AKAP6: variants seen among roughly 807,000 people sequenced by gnomAD.
The protein encoded by AKAP6 is A-kinase anchoring protein 6.
In AKAP6, 58 loss-of-function variants were observed where a neutral mutation model predicts 188.5. The observed-to-expected ratio is 0.31, with a 90% CI of 0.25 to 0.38. The LOEUF (loss-of-function observed/expected upper bound fraction) is 0.38, where lower values mean the gene tolerates loss of function less well. Among genes scored for constraint, AKAP6 ranks in the 10% least tolerant of loss-of-function variants. The pLI is 1.00. For synonymous variants in AKAP6, 989 were observed against 998.6 expected (o/e 0.99, Z 0.18); for missense variants, 2,710 against 2,740.0 (o/e 0.99, Z 0.24).
chr14:32,728,366 CTAT>C (rs2030990201), intron 9 of AKAP6, among the ~76,000 whole-genome samples: 2 of 137,780 alleles, frequency 1.5e-5, no homozygotes, highest in Admixed American at 1.5e-4. Context: ...ATCTATCTAT[CTAT>C]CTATCTATCT....
At position 32,612,320 on chromosome 14, in the gene AKAP6, T is replaced by C. The variant is rs902728184; in HGVS notation, c.2730+11528T>C. Among the ~76,000 whole-genome samples, 2 of 152,204 alleles carry C rather than the reference T, an allele frequency of 1.3e-5. 1 individual carries two copies. Among genetic ancestry groups the C allele is most frequent in the Admixed American group, 1.3e-4 (2 of 15,270 alleles). On this transcript the variant is annotated intron_variant, in intron 7 of 13. Coordinates refer to ENST00000280979, the MANE Select transcript of AKAP6 (RefSeq NM_004274.5). Reference sequence around the variant, plus strand: ...AACTACCTCCTAAGCTTTGTTTTACTCACTTTACACGTTATTTCAGCTTTA... The same window carrying C: ...AACTACCTCCTAAGCTTTGTTTTACCCACTTTACACGTTATTTCAGCTTTA...
chr14:32,626,304 T>C (rs922473042), intron 7 of AKAP6, among the ~76,000 whole-genome samples: 2 of 152,136 alleles, frequency 1.3e-5, no homozygotes, highest in East Asian at 1.9e-4. Flanking sequence ...CTTTCATATG[T>C]ACAGTGCTAG....
chr14:32,418,584 C>G (rs1267885848), intron 1 of AKAP6, among the ~76,000 whole-genome samples: 1 of 152,072 alleles, frequency 6.6e-6, no homozygotes, highest in Non-Finnish European at 1.5e-5. Context: ...AGAGACACAC[C>G]TAAATTTTAA....
At chr14:32,800,672 C>T (rs979022577) in intron 12 of AKAP6, among the ~76,000 whole-genome samples, 4 of 145,322 alleles carry the variant, frequency 2.8e-5, no homozygotes, top group Non-Finnish European at 6.3e-5. Flanking sequence ...AGCATGCTAT[C>T]TTTTTCTTCA....
intron 11 of AKAP6, among the ~76,000 whole-genome samples, chr14:32,739,616 T>C (rs985455852): frequency 3.9e-5 from 6 of 152,120 alleles, no homozygotes; most frequent in African/African-American, 7.2e-5. Context: ...AGTGAGAACA[T>C]GCAATGTTTG....
Position 32,433,469 on chromosome 14 carries a change from A to T in AKAP6, c.-25A>T, listed in dbSNP as rs1294530051. The T allele has an allele frequency of 6.3e-7, 1 of 1,596,542 alleles. No homozygotes were observed. ...TCCTCTTGCCTTTCAGCTGTTTTGGAAAGAAGTGAGGTTTAGACTTCTCCA... is the reference window on the plus strand; with the variant it reads ...TCCTCTTGCCTTTCAGCTGTTTTGGTAAGAAGTGAGGTTTAGACTTCTCCA... On this transcript the variant is annotated 5_prime_UTR_variant, in exon 2 of 14. An upstream open reading frame in the 5' UTR gains an earlier in-frame stop. Transcript: ENST00000280979.
intron 12 of AKAP6, among the ~76,000 whole-genome samples, chr14:32,794,808 G>C (rs961662094): frequency 6.6e-6 from 1 of 151,948 alleles, no homozygotes; most frequent in Non-Finnish European, 1.5e-5. Context: ...CTGAACTGAA[G>C]GAGATAGAGA....
chr14:32,819,228 C>A (rs190709402), intron 12 of AKAP6, among the ~76,000 whole-genome samples: 74 of 152,256 alleles, frequency 4.9e-4, no homozygotes, highest in Non-Finnish European at 8.7e-4. Flanking sequence ...TAGCTTGTAA[C>A]TGGACTCTTA....
Position 32,797,331 on chromosome 14 carries a change from C to G in AKAP6, c.3588+23438C>G, listed in dbSNP as rs1046737968. ...ATGCATGCATATATTCATTGCAGCA[C>G]TATTCACAGTAGCAAAGACATGGAA... On this transcript the variant is annotated intron_variant, in intron 12 of 13. Coordinates refer to ENST00000280979, the MANE Select transcript of AKAP6 (RefSeq NM_004274.5). Among the ~76,000 whole-genome samples, 4 of 152,096 alleles carry G rather than the reference C, an allele frequency of 2.6e-5. No individual in the cohort carries two copies. In the East Asian group the frequency reaches 5.8e-4, roughly 22 times the overall value.
intron 1 of AKAP6, among the ~76,000 whole-genome samples, chr14:32,411,805 T>C (rs1889494127): frequency 6.6e-6 from 1 of 151,826 alleles, no homozygotes; most frequent in Non-Finnish European, 1.5e-5. Context: ...TTTTTTTTTT[T>C]TTTAATTCTT....
chr14:32,382,426 A>G (rs147402514), intron 1 of AKAP6, among the ~76,000 whole-genome samples: 273 of 152,274 alleles, frequency 1.8e-3, no homozygotes, highest in African/African-American at 6.4e-3. Flanking sequence ...TTCCTTGTCT[A>G]TCATTTGAAG....
intron 9 of AKAP6, among the ~76,000 whole-genome samples, chr14:32,700,626 T>C (rs1258772793): frequency 6.6e-6 from 1 of 152,218 alleles, no homozygotes; most frequent in Admixed American, 6.5e-5. Flanking sequence ...CTTACCATTG[T>C]GTTACGGTTG....
rs377459218 is a variant in AKAP6, at chr14:32,457,547, A to T, written c.324+23730A>T. On this transcript the variant is annotated intron_variant, in intron 2 of 13. Coordinates refer to ENST00000280979, the MANE Select transcript of AKAP6 (RefSeq NM_004274.5). ...AAAAAAAATCTTAACCTTCTTGTTA[A>T]TTAAAGGGTCAACTTTAGAACTTCA... 1.4e-3 allele frequency among the ~76,000 whole-genome samples: 211 copies of T among 152,294 alleles called. 1 individual carries two copies. Among genetic ancestry groups the T allele is most frequent in the African/African-American group, 4.9e-3 (204 of 41,556 alleles).
At chr14:32,751,824 A>G (rs929947446) in intron 11 of AKAP6, among the ~76,000 whole-genome samples, 1 of 152,118 alleles carries the variant, frequency 6.6e-6, no homozygotes, top group African/African-American at 2.4e-5. Context: ...TTTCATTTTT[A>G]TACAATCTTT....
In AKAP6 at chr14:32,420,629, G is replaced by A. The variant is rs568221857; in HGVS notation, c.-34-12831G>A. Among the ~76,000 whole-genome samples the A allele has an allele frequency of 2.1e-3, 312 of 152,074 alleles. 1 individual carries two copies. The highest frequency in any genetic ancestry group is 7.7e-3 in the South Asian group (37 of 4,814). On this transcript the variant is annotated intron_variant, in intron 1 of 13. Transcript: ENST00000280979. ...TCAACCCCCAATTCTCTACTAGTTG[G>A]GTAAATCTCTTCTGAGTATGTTCAT...
chr14:32,518,076 G>A (rs906237544), intron 2 of AKAP6, among the ~76,000 whole-genome samples: 32 of 152,166 alleles, frequency 2.1e-4, no homozygotes, highest in Non-Finnish European at 2.6e-4. Context: ...TGATACCCAG[G>A]CAAACAGGTT....
Position 32,662,017 on chromosome 14 carries a change from G to T in AKAP6, c.2731-16294G>T, listed in dbSNP as rs73264833. 2.2e-3 allele frequency among the ~76,000 whole-genome samples: 332 copies of T among 152,026 alleles called. 1 individual carries two copies. The highest frequency in any genetic ancestry group is 7.7e-3 in the African/African-American group (321 of 41,446). On this transcript the variant is annotated intron_variant, in intron 7 of 13. Coordinates refer to ENST00000280979, the MANE Select transcript of AKAP6 (RefSeq NM_004274.5). ...AATGATGATTTAAGCATTTATCTAG[G>T]TACCTAGTGAACAGTGAACTGAAGT... is the stretch of plus-strand genomic sequence containing the variant.
chr14:32,381,538 T>G (rs1270804867), intron 1 of AKAP6, among the ~76,000 whole-genome samples: 3 of 152,088 alleles, frequency 2.0e-5, no homozygotes, highest in South Asian at 2.1e-4. Context: ...AAAAGTATAC[T>G]TTGGTTCCAC....
At chr14:32,475,874 G>T (rs1460305159) in intron 2 of AKAP6, among the ~76,000 whole-genome samples, 1 of 151,606 alleles carries the variant, frequency 6.6e-6, no homozygotes, top group Non-Finnish European at 1.5e-5. Context: ...TAGTAGAGAA[G>T]GGGTTTCACC....
Sources: gnomAD v4.1 joint callset for allele counts (sites outside exome capture counted in the v4.1 genomes callset) on GRCh38, gnomAD v4.1.1 for gene constraint, MANE v1.5 for transcripts, NCBI Gene and HGNC (gene_info 2026-07-23, HGNC 2026-07-21) for gene names.